The following WFDC1 variants were observed in gnomAD, a reference collection of about 807,000 sequenced individuals.
WFDC1 encodes WAP four-disulfide core domain protein 1.
Under a neutral mutation model 32.9 loss-of-function variants are expected in WFDC1, and 39 were observed. That is an observed-to-expected ratio of 1.19 (90% CI 0.92 to 1.55). The LOEUF is 1.55. Among genes scored for constraint, WFDC1 ranks in the 40% most tolerant of loss-of-function variants. WFDC1 has a pLI of 0.00. For missense variants in WFDC1, 386 were observed against 309.5 expected, an observed-to-expected ratio of 1.25 and a Z score of -1.85; for synonymous variants, 184 against 137.4, an observed-to-expected ratio of 1.34 and a Z score of -2.37.
chr16:84,306,399 C>T (rs940674991), intron 1 of WFDC1, among the ~76,000 whole-genome samples: 3 of 152,172 alleles, frequency 2.0e-5, no homozygotes, highest in African/African-American at 7.2e-5. Flanking sequence ...AGTTAGGAAG[C>T]GTTCCGAGTA....
In WFDC1 at chr16:84,318,289, C is replaced by T. The variant is rs775289317; in HGVS notation, c.355C>T (p.Gln119Ter). The T allele has an allele frequency of 1.2e-6, 2 of 1,613,096 alleles. No individual in the cohort carries two copies. The highest frequency in any genetic ancestry group is 1.1e-5 in the South Asian group (1 of 91,074). The change falls in exon 3 of 7, where the codon CAG (glutamine) becomes TAG (stop). Residue 119 changes from glutamine (Q) to a stop codon, truncating the protein, a stop_gained. Transcript: ENST00000219454. LOFTEE classifies it high-confidence loss of function. The part of the protein sequence containing the change: ...PPPPVLDWLV[Q>*]PKPRWLGGNG... The stretch of plus-strand genomic sequence containing the variant: ...TGTGTTAGTCTTAGACTGGCTGGTG[C>T]AGCCGAAACCTCGATGGCTTGGTGG...
intron 4 of WFDC1, 118 bp downstream of exon 4, chr16:84,319,689 A>C: frequency 1.5e-6 from 2 of 1,309,134 alleles, no homozygotes; most frequent in Non-Finnish European, 2.1e-6. Flanking sequence ...CCTGGGCCTG[A>C]CTGAGAGCTC....
intron 1 of WFDC1, among the ~76,000 whole-genome samples, chr16:84,300,480 C>T (rs1959389291): frequency 6.6e-6 from 1 of 152,264 alleles, no homozygotes; most frequent in Admixed American, 6.5e-5. Context: ...AATGTACTCC[C>T]TGCACTCGAA....
At chr16:84,296,141 C>T (rs903329728) in intron 1 of WFDC1, among the ~76,000 whole-genome samples, 1 of 152,168 alleles carries the variant, frequency 6.6e-6, no homozygotes, top group African/African-American at 2.4e-5. Context: ...ACGATATCAG[C>T]ACACAGAGGG....
At position 84,328,955 on chromosome 16, in the gene WFDC1, G is replaced by GAA. The variant is rs79425921; in HGVS notation, c.*16-357_*16-356dup. The GAA allele has an allele frequency of 7.9e-4, 117 of 148,742 alleles. No individual in the cohort carries two copies. In the East Asian group the frequency reaches 0.01, roughly 13 times the overall value. 9.2% of individuals were successfully genotyped at this position (148,742 alleles called of 1,614,324 possible). A position where few individuals can be genotyped will look rare whatever the true frequency, so the allele number is the denominator to read the frequency against. ...GTGACAGAGTGAGACCCTGTTTCAAGAAAAAAAAAAAGTACAGCCTTTGGA... is the reference window on the plus strand; with the variant it reads ...GTGACAGAGTGAGACCCTGTTTCAAGAAAAAAAAAAAAAGTACAGCCTTTGGA... On this transcript the variant is annotated intron_variant, in intron 6 of 6. Transcript: ENST00000219454.
rs202181121 is a variant in WFDC1, at chr16:84,324,438, C to T, written c.582C>T (p.His194=). 21 of 1,613,592 alleles carry T rather than the reference C, an allele frequency of 1.3e-5. 1 individual carries two copies. Among genetic ancestry groups the T allele is most frequent in the Middle Eastern group, 3.3e-4 (2 of 6,080 alleles). The stretch of plus-strand genomic sequence containing the variant: ...TTCCAGATGGGCGAATCCTACGACA[C>T]AAACTTTACAAAGAATATCCAGGTA... ...RRQADGRILR[H]KLYKEYPEGD... is the part of the protein sequence containing the mutation. Residue 194 remains histidine, a synonymous_variant, in exon 5 of 7, where the codon CAC becomes CAT. Transcript: ENST00000219454.
chr16:84,319,089 A>G (rs1908140241), intron 3 of WFDC1: 1 of 349,844 alleles, frequency 2.9e-6, no homozygotes. Flanking sequence ...TTGCTTGTGT[A>G]AATGTCTGTG....
At chr16:84,298,867 G>A (rs1263650375) in intron 1 of WFDC1, among the ~76,000 whole-genome samples, 2 of 152,134 alleles carry the variant, frequency 1.3e-5, no homozygotes, top group Non-Finnish European at 2.9e-5. Flanking sequence ...GAGAAGTGCC[G>A]GGTCTCCCGC....
intron 1 of WFDC1, among the ~76,000 whole-genome samples, chr16:84,309,349 G>A (rs1392176709): frequency 6.6e-6 from 1 of 152,176 alleles, no homozygotes. Flanking sequence ...AGGGTGCTGG[G>A]AAGCCTCTGG....
chr16:84,318,241 A>G, intron 2 of WFDC1, 31 bp from the exon 3 acceptor site: 1 of 1,610,822 alleles, frequency 6.2e-7, no homozygotes, highest in Non-Finnish European at 8.5e-7. Context: ...CTGCTTGAGG[A>G]GGGCCCTGAT....
At chr16:84,318,776 C>T (rs529600504) in intron 3 of WFDC1, 9 of 221,210 alleles carry the variant, frequency 4.1e-5, no homozygotes, top group African/African-American at 1.8e-4. Flanking sequence ...CTAGGAGGTG[C>T]GAGCGGGCAC....
chr16:84,296,499 C>G (rs775273213), intron 1 of WFDC1, among the ~76,000 whole-genome samples: 1 of 152,008 alleles, frequency 6.6e-6, no homozygotes, highest in African/African-American at 2.4e-5. Flanking sequence ...GGACCTGTGG[C>G]TTTAAAGGAT....
At position 84,316,146 on chromosome 16, in the gene WFDC1, A is replaced by T. The variant is rs541638295; in HGVS notation, c.338-2126A>T. On this transcript the variant is annotated intron_variant, in intron 2 of 6. Coordinates refer to ENST00000219454, the MANE Select transcript of WFDC1 (RefSeq NM_021197.4). ...ATGTGGTGGTGGAAAGGAGGGAAGAACCGAAAGGTTGCGTATAGAGGCTGA... is the reference window on the plus strand; with the variant it reads ...ATGTGGTGGTGGAAAGGAGGGAAGATCCGAAAGGTTGCGTATAGAGGCTGA... The T allele has an allele frequency of 2.6e-5, 4 of 152,342 alleles. No individual in the cohort carries two copies. The South Asian group carries it at 8.3e-4, about 32-fold the overall frequency. 9.4% of individuals were successfully genotyped at this position (152,342 alleles called of 1,614,324 possible). A position where few individuals can be genotyped will look rare whatever the true frequency, so the allele number is the denominator to read the frequency against.
At chr16:84,302,581 C>A (rs1907007098) in intron 1 of WFDC1, among the ~76,000 whole-genome samples, 2 of 152,158 alleles carry the variant, frequency 1.3e-5, no homozygotes, top group South Asian at 2.1e-4. Context: ...TCCCTGAATG[C>A]CCCATTATGA....
intron 5 of WFDC1, among the ~76,000 whole-genome samples, chr16:84,325,304 G>T (rs1015326109): frequency 1.3e-5 from 2 of 151,612 alleles, no homozygotes; most frequent in Admixed American, 1.3e-4. Flanking sequence ...CTGGGTTCAA[G>T]CAGTTCTCCT....
At chr16:84,322,030 T>A (rs1908328224) in intron 4 of WFDC1, among the ~76,000 whole-genome samples, 1 of 152,196 alleles carries the variant, frequency 6.6e-6, no homozygotes, top group South Asian at 2.1e-4. Context: ...CCTCAGTGAA[T>A]GTGTGCCACC....
At chr16:84,316,650 C>T (rs955523828) in intron 2 of WFDC1, 1 of 151,924 alleles carries the variant, frequency 6.6e-6, no homozygotes, top group Non-Finnish European at 1.5e-5. Context: ...AATTACTTGT[C>T]AACACTTAAA....
At chr16:84,328,953 A>C (rs949979671) in intron 6 of WFDC1, 1 of 87,390 alleles carries the variant, frequency 1.1e-5, no homozygotes, top group African/African-American at 4.2e-5. Flanking sequence ...ACCCTGTTTC[A>C]AGAAAAAAAA....
In WFDC1 at chr16:84,295,180, C is replaced by A. The variant is rs902441828; in HGVS notation, c.144+65C>A. The stretch of plus-strand genomic sequence containing the variant: ...GGTGGGAGTCAGCCTTGAGGAGAGG[C>A]GATCCCTAGACACTGCCTTCTCCTG... On this transcript the variant is annotated intron_variant, in intron 1 of 6. Coordinates refer to ENST00000219454, the MANE Select transcript of WFDC1 (RefSeq NM_021197.4). The A allele has an allele frequency of 5.1e-6, 8 of 1,581,154 alleles. 1 individual carries two copies. Among genetic ancestry groups the A allele is most frequent in the South Asian group, 3.5e-5 (3 of 85,634 alleles).
Sources: allele counts gnomAD v4.1 joint callset (sites outside exome capture counted in the v4.1 genomes callset), GRCh38; gene constraint gnomAD v4.1.1; transcripts MANE v1.5; gene names NCBI Gene and HGNC (gene_info 2026-07-23, HGNC 2026-07-21).